GNAL: variants seen among roughly 807,000 people sequenced by gnomAD.
GNAL encodes guanine nucleotide-binding protein G(olf) subunit alpha.
In GNAL, 18 loss-of-function variants were observed where a neutral mutation model predicts 55.1. The observed-to-expected ratio is 0.33, with a 90% confidence interval of 0.23 to 0.48. The LOEUF (loss-of-function observed/expected upper bound fraction) is 0.48, where lower values mean the gene tolerates loss of function less well. Among genes scored for constraint, GNAL ranks in the 20% least tolerant of loss-of-function variants. The probability of loss-of-function intolerance (pLI) is 0.99; values close to 1 mark genes in which losing one functional copy is unlikely to be tolerated. For missense variants in GNAL, 412 were observed against 614.1 expected (o/e 0.67, Z 3.48); for synonymous variants, 253 against 237.0 (o/e 1.07, Z -0.62).
At chr18:11,788,732 T>C (rs566575394) in intron 4 of GNAL, among the ~76,000 whole-genome samples, 23 of 150,478 alleles carry the variant, frequency 1.5e-4, no homozygotes, top group African/African-American at 5.6e-4. Context: ...ACCCCGTCTC[T>C]ACTAAAAATA....
intron 1 of GNAL, among the ~76,000 whole-genome samples, chr18:11,695,056 G>A (rs994814376): frequency 5.3e-5 from 8 of 152,012 alleles, no homozygotes; most frequent in African/African-American, 7.3e-5. Context: ...CATGTGGGGG[G>A]TTAGGGCTTC....
chr18:11,772,866 T>C (rs1048500103), intron 4 of GNAL, among the ~76,000 whole-genome samples: 1 of 152,184 alleles, frequency 6.6e-6, no homozygotes, highest in Non-Finnish European at 1.5e-5. Flanking sequence ...GTTCAACCCG[T>C]TAGATTAAAT....
chr18:11,786,449 T>C (rs916108013), intron 4 of GNAL, among the ~76,000 whole-genome samples: 74 of 117,378 alleles, frequency 6.3e-4, no homozygotes, highest in African/African-American at 2.4e-3. Flanking sequence ...TTTTTTTTTT[T>C]TTTTTTTTTT....
chr18:11,784,266 C>T (rs541295746), intron 4 of GNAL, among the ~76,000 whole-genome samples: 5 of 152,238 alleles, frequency 3.3e-5, no homozygotes, highest in South Asian at 4.1e-4. Flanking sequence ...GCGAGGTGTC[C>T]GCCCTAATGG....
Position 11,714,804 on chromosome 18 carries a change from T to G in GNAL, c.376+24865T>G, listed in dbSNP as rs11873947. 5.6e-3 allele frequency among the ~76,000 whole-genome samples: 848 copies of G among 152,320 alleles called. 3 individuals carry two copies. The highest frequency in any genetic ancestry group is 0.019 in the African/African-American group (799 of 41,562). On this transcript the variant is annotated intron_variant, in intron 1 of 11. Transcript: ENST00000334049. The stretch of plus-strand genomic sequence containing the variant: ...ATGATTCAGTTCCCAAGTGTAACTT[T>G]CCCTTTGGCATAGTGAGTTTAGGGT...
chr18:11,718,314 C>T (rs2032021070), intron 1 of GNAL, among the ~76,000 whole-genome samples: 2 of 152,012 alleles, frequency 1.3e-5, no homozygotes, highest in Non-Finnish European at 2.9e-5. Context: ...CGGCATTTAT[C>T]GTTATCTTTA....
intron 1 of GNAL, among the ~76,000 whole-genome samples, chr18:11,739,447 G>A (rs538727306): frequency 3.6e-4 from 55 of 152,086 alleles, no homozygotes; most frequent in African/African-American, 1.3e-3. Context: ...GGTGACCATG[G>A]TACGGTTCTC....
chr18:11,845,464 C>T (rs2035710828), intron 5 of GNAL, among the ~76,000 whole-genome samples: 1 of 151,882 alleles, frequency 6.6e-6, no homozygotes, highest in Admixed American at 6.6e-5. Context: ...ATAATAAAGA[C>T]TGCTAACAAA....
chr18:11,862,768 A>G (rs375444998), intron 6 of GNAL, among the ~76,000 whole-genome samples: 1 of 151,914 alleles, frequency 6.6e-6, no homozygotes. Context: ...TTCATAAACT[A>G]TGCCCATTCT....
In GNAL at chr18:11,876,604, A is replaced by G. The variant is rs772656691; in HGVS notation, c.1163-17A>G. 23 of 1,518,896 alleles carry G rather than the reference A, an allele frequency of 1.5e-5. No homozygotes were observed. Among genetic ancestry groups the G allele is most frequent in the African/African-American group, 2.7e-5 (2 of 73,278 alleles). The allele number at this position is 1,518,896 out of a possible 1,614,324, so 94.1% of individuals were successfully genotyped here. On this transcript the variant is annotated splice_polypyrimidine_tract_variant and intron_variant, in intron 10 of 11. Transcript: ENST00000334049. ...TTTCATGTTGCTTAAATAAAGTTCCATTTGTCATTTCTACAGCAACACCAG... is the reference window on the plus strand; with the variant it reads ...TTTCATGTTGCTTAAATAAAGTTCCGTTTGTCATTTCTACAGCAACACCAG...
intron 4 of GNAL, among the ~76,000 whole-genome samples, chr18:11,804,863 T>G (rs1250072632): frequency 7.1e-6 from 1 of 140,792 alleles, no homozygotes; most frequent in East Asian, 2.2e-4. Flanking sequence ...GAAGTACAGG[T>G]GCAGTTTGGG....
At chr18:11,767,003 T>G (rs1368261790) in intron 4 of GNAL, among the ~76,000 whole-genome samples, 1 of 152,246 alleles carries the variant, frequency 6.6e-6, no homozygotes, top group Non-Finnish European at 1.5e-5. Flanking sequence ...CTGTTCAATC[T>G]GTACCCAACC....
At chr18:11,723,152 C>T (rs968682641) in intron 1 of GNAL, among the ~76,000 whole-genome samples, 2 of 152,146 alleles carry the variant, frequency 1.3e-5, no homozygotes, top group African/African-American at 4.8e-5. Context: ...CCACTGCACT[C>T]CAGCCTGGGT....
In GNAL at chr18:11,752,664, C is replaced by G. The variant is rs535235693; in HGVS notation, c.377-189C>G. 1.0e-4 allele frequency: 138 copies of G among 1,332,954 alleles called. 1 individual carries two copies. In the South Asian group the frequency reaches 2.3e-3, roughly 22 times the overall value. The allele number at this position is 1,332,954 out of a possible 1,614,324, so 82.6% of individuals were successfully genotyped here. The stretch of plus-strand genomic sequence containing the variant: ...GAGCGCCAGGCTGGGCGGGCAGGGC[C>G]GGGCGAGGGTCGCGCGCACCTCTGG... On this transcript the variant is annotated intron_variant, in intron 1 of 11. Transcript: ENST00000334049. This position sits in a 1 kb window ranked among gnomAD's most constrained non-coding sequence, Gnocchi z 4.5.
Position 11,752,814 on chromosome 18 carries a change from C to T in GNAL, c.377-39C>T, listed in dbSNP as rs2032901388. 1 of 1,434,600 alleles carries T rather than the reference C, an allele frequency of 7.0e-7. No homozygotes were observed. The highest frequency in any genetic ancestry group is 1.9e-4 in the Middle Eastern group (1 of 5,362). 88.9% of individuals were successfully genotyped at this position (1,434,600 alleles called of 1,614,324 possible). A position where few individuals can be genotyped will look rare whatever the true frequency, so the allele number is the denominator to read the frequency against. ...TAGTGGTGAGAGATGGCAGCGATAT[C>T]CGGACACAGATCACAGCGTTCTTTC... On this transcript the variant is annotated intron_variant, in intron 1 of 11. Transcript: ENST00000334049. This position sits in a 1 kb window ranked among gnomAD's most constrained non-coding sequence, Gnocchi z 4.5.
intron 1 of GNAL, among the ~76,000 whole-genome samples, chr18:11,715,656 C>G (rs1468867390): frequency 6.6e-6 from 1 of 151,782 alleles, no homozygotes. Context: ...GTGCAGATGC[C>G]CTGAGGTTTG....
intron 7 of GNAL, 149 bp from the exon 8 acceptor site, chr18:11,867,019 G>A: frequency 2.9e-6 from 2 of 684,758 alleles, no homozygotes; most frequent in South Asian, 1.6e-5. Flanking sequence ...GATCACACAG[G>A]GAGTGATGGT....
chr18:11,723,011 C>CAAAAAA (rs61457198), intron 1 of GNAL, among the ~76,000 whole-genome samples: 1 of 80,000 alleles, frequency 1.3e-5, no homozygotes, highest in African/African-American at 5.6e-5. Context: ...AACTTCATCT[C>CAAAAAA]AAAAAAAAAA....
At chr18:11,708,331 C>T (rs955359082) in intron 1 of GNAL, among the ~76,000 whole-genome samples, 3 of 152,078 alleles carry the variant, frequency 2.0e-5, no homozygotes, top group African/African-American at 7.2e-5. Context: ...AGGGAGGGCC[C>T]AGGAAAGGGA....
Sources: allele counts gnomAD v4.1 joint callset (sites outside exome capture counted in the v4.1 genomes callset), GRCh38; gene constraint gnomAD v4.1.1; non-coding constraint Gnocchi (gnomAD v3.1); transcripts MANE v1.5; gene names NCBI Gene and HGNC (gene_info 2026-07-23, HGNC 2026-07-21).